The following MFSD12 variants were observed in gnomAD, a reference collection of about 807,000 sequenced individuals.
MFSD12 encodes the protein major facilitator superfamily domain containing 12.
A neutral mutation model predicts 51.2 loss-of-function variants in MFSD12; 67 were observed. The ratio of observed to expected loss-of-function variants is 1.31; its 90% CI spans 1.08 to 1.60. MFSD12 has a LOEUF of 1.60. Among genes scored for constraint, MFSD12 ranks in the 40% most tolerant of loss-of-function variants. MFSD12 has a pLI of 0.00. For missense variants in MFSD12, 921 were observed against 673.0 expected, an observed-to-expected ratio of 1.37 and a Z score of -4.08; for synonymous variants, 441 against 316.7, an observed-to-expected ratio of 1.39 and a Z score of -4.17.
intron 1 of MFSD12, among the ~76,000 whole-genome samples, chr19:3,555,239 G>A (rs1295534495): frequency 6.6e-6 from 1 of 152,186 alleles, no homozygotes. Flanking sequence ...CTCCCAAGTA[G>A]CTGGGATTAC....
chr19:3,548,311 TG>T (rs1368215963), intron 2 of MFSD12, 44 bp from the exon 3 acceptor site: 1 of 1,540,488 alleles, frequency 6.5e-7, no homozygotes, highest in African/African-American at 1.4e-5. Flanking sequence ...GCCAGGAACC[TG>T]GGTCACTTCC....
chr19:3,548,300 C>A lies in MFSD12; in HGVS notation c.510-33G>T, dbSNP rs368445778. 7.1e-6 allele frequency: 11 copies of A among 1,542,630 alleles called. No homozygotes were observed. In the Admixed American group the frequency reaches 2.2e-4, roughly 31 times the overall value. ...GCAGGCGGGCAGGGACTCAACAAGACGCCAGGAACCTGGGTCACTTCCTCC... is the reference window on the plus strand; with the variant it reads ...GCAGGCGGGCAGGGACTCAACAAGAAGCCAGGAACCTGGGTCACTTCCTCC... On this transcript the variant is annotated intron_variant, in intron 2 of 9. Transcript: ENST00000355415.
At chr19:3,553,873 G>C (rs955260589) in intron 1 of MFSD12, among the ~76,000 whole-genome samples, 7 of 151,694 alleles carry the variant, frequency 4.6e-5, no homozygotes, top group Non-Finnish European at 5.9e-5. Context: ...CCTGAGGTCA[G>C]GAGTTCGAGA....
downstream of MFSD12, chr19:3,543,027 G>C (rs1285602418): frequency 6.2e-7 from 1 of 1,606,338 alleles, no homozygotes; most frequent in Non-Finnish European, 8.5e-7. Context: ...GGTGCGATGT[G>C]TGGGGAGAGG....
downstream of MFSD12, among the ~76,000 whole-genome samples, chr19:3,540,501 C>T (rs1484551202): frequency 2.0e-5 from 3 of 151,540 alleles, no homozygotes; most frequent in Non-Finnish European, 4.4e-5. Flanking sequence ...CATGATCTGC[C>T]CTCCTTGGCC....
downstream of MFSD12, chr19:3,544,020 A>C (rs1211922379): frequency 6.6e-7 from 1 of 1,525,798 alleles, no homozygotes; most frequent in Non-Finnish European, 8.8e-7. Flanking sequence ...AAGGCATGCT[A>C]CCAGGATGCA....
rs1374997924 is a variant in MFSD12, at chr19:3,546,128, T to A, written c.1235A>T (p.Asp412Val). The change falls in exon 8 of 10, where the codon GAT (aspartate) becomes GTT (valine). Residue 412 changes from aspartate to valine, a missense_variant. Coordinates refer to ENST00000355415, the MANE Select transcript of MFSD12 (RefSeq NM_174983.5). ...GACTGCCAGCCCATTGGCCACCTTA[T>A]CCAAGAAGCTCATGGAGCCGTACAC... ...AFVYGSMSFL[D>V]KVANGLAVMA... 1.4e-5 allele frequency: 23 copies of A among 1,613,132 alleles called. No individual in the cohort carries two copies. Among genetic ancestry groups the A allele is most frequent in the Non-Finnish European group, 1.9e-5 (22 of 1,179,996 alleles).
rs929898455 is a variant in MFSD12 at position 3,551,997 on chromosome 19, C to T, written c.299-803G>A. On this transcript the variant is annotated intron_variant, in intron 1 of 9. Coordinates refer to ENST00000355415, the MANE Select transcript of MFSD12 (RefSeq NM_174983.5). The surrounding 1 kb of genome is among the most constrained non-coding windows in gnomAD (Gnocchi z 4.6). ...GGCTCCTTTTCACCTCTGGGCTCAA[C>T]GGGAATGTCACCTCCTCGAACACCT... Among the ~76,000 whole-genome samples, 1 of 152,092 alleles carries T rather than the reference C, an allele frequency of 6.6e-6. No individual in the cohort carries two copies. The highest frequency in any genetic ancestry group is 1.5e-5 in the Non-Finnish European group (1 of 68,026).
downstream of MFSD12, chr19:3,543,090 T>G (rs1449396131): frequency 6.4e-7 from 1 of 1,560,984 alleles, no homozygotes; most frequent in East Asian, 2.3e-5. Flanking sequence ...GGTACAGGGC[T>G]GAAGGACAGA....
At position 3,557,229 on chromosome 19, in the gene MFSD12, C is replaced by T. The variant is rs536952924; in HGVS notation, c.175G>A (p.Gly59Arg). 1.8e-5 allele frequency: 28 copies of T among 1,590,738 alleles called. No individual in the cohort carries two copies. Among genetic ancestry groups the T allele is most frequent in the Non-Finnish European group, 2.4e-5 (28 of 1,170,640 alleles). Residue 59 changes from glycine (G) to arginine (R), a missense_variant, in exon 1 of 10, where the codon GGG becomes AGG. Physicochemically the swap from Gly to Arg is moderately radical, Grantham distance 125 (BLOSUM62 -2). Coordinates refer to ENST00000355415, the MANE Select transcript of MFSD12 (RefSeq NM_174983.5). Reference protein sequence around the residue: ...SVRAYSSRGAGLLLLLGQVAD... With the variant: ...SVRAYSSRGARLLLLLGQVAD... ...ACCTGGCCCAGCAGCAGCAGCAGCC[C>T]CGCGCCGCGGGAGCTGTAGGCGCGC...
In MFSD12 at chr19:3,557,158, G is replaced by A. The variant is rs764002370; in HGVS notation, c.246C>T (p.Arg82=). 1.3e-6 allele frequency: 2 copies of A among 1,521,922 alleles called. No homozygotes were observed. The highest frequency in any genetic ancestry group is 1.2e-5 in the South Asian group (1 of 81,154). The allele number at this position is 1,521,922 out of a possible 1,614,324, so 94.3% of individuals were successfully genotyped here. ...CTPLVGYEAD[R]AASCCARYGP... The stretch of plus-strand genomic sequence containing the variant: ...CGTAGCGGGCGCAGCAGCTGGCGGC[G>A]CGGTCGGCCTCGTAGCCCACGAGCG... Residue 82 remains arginine, a synonymous_variant, in exon 1 of 10, where the codon CGC becomes CGT. Transcript: ENST00000355415.
At chr19:3,555,710 T>C (rs2031694273) in intron 1 of MFSD12, among the ~76,000 whole-genome samples, 1 of 152,090 alleles carries the variant, frequency 6.6e-6, no homozygotes, top group African/African-American at 2.4e-5. Context: ...TCCCAGTCAT[T>C]GTTCCCAAGG....
At chr19:3,543,313 G>A, downstream of MFSD12, 1 of 1,549,276 alleles carries the variant, frequency 6.5e-7, no homozygotes, top group Non-Finnish European at 8.7e-7. Flanking sequence ...ACACGCCCAT[G>A]GGACGGGACG....
At position 3,557,134 on chromosome 19, in the gene MFSD12, G is replaced by A. The variant is rs759056653; in HGVS notation, c.270C>T (p.Tyr90=). 1.3e-6 allele frequency: 2 copies of A among 1,506,912 alleles called. No individual in the cohort carries two copies. The highest frequency in any genetic ancestry group is 8.8e-7 in the Non-Finnish European group (1 of 1,130,272). 93.3% of individuals were successfully genotyped at this position (1,506,912 alleles called of 1,614,324 possible). ...CCAGGTGCCAGGCCTTGCGCGGGCCGTAGCGGGCGCAGCAGCTGGCGGCGC... is the reference window on the plus strand; with the variant it reads ...CCAGGTGCCAGGCCTTGCGCGGGCCATAGCGGGCGCAGCAGCTGGCGGCGC... The part of the protein sequence containing the change: ...ADRAASCCAR[Y]GPRKAWHLVG... The change falls in exon 1 of 10, where the codon TAC becomes TAT. Residue 90 remains tyrosine, a synonymous_variant. Coordinates refer to ENST00000355415, the MANE Select transcript of MFSD12 (RefSeq NM_174983.5).
At chr19:3,543,824 T>C (rs1415316373), downstream of MFSD12, 6 of 1,523,418 alleles carry the variant, frequency 3.9e-6, no homozygotes, top group Non-Finnish European at 5.3e-6. Context: ...GAGTCCCACC[T>C]ACAGTGCTCA....
chr19:3,538,731 G>A (rs2030101547), exon 5 of MFSD12: 1 of 479,770 alleles, frequency 2.1e-6, no homozygotes. Flanking sequence ...TCGTGCTGCT[G>A]TGAGCCACTG....
Position 3,552,085 on chromosome 19 carries a change from G to A in MFSD12, c.299-891C>T, listed in dbSNP as rs114327073. ...AGCACCCGGGAATTCTCTGTCTGCC[G>A]GCTTCCTGCCGGCTTTCCTCTGCAG... On this transcript the variant is annotated intron_variant, in intron 1 of 9. Coordinates refer to ENST00000355415, the MANE Select transcript of MFSD12 (RefSeq NM_174983.5). 2.8e-4 allele frequency among the ~76,000 whole-genome samples: 42 copies of A among 152,182 alleles called. 1 individual carries two copies. The highest frequency in any genetic ancestry group is 4.3e-4 in the African/African-American group (18 of 41,522).
intron 6 of MFSD12, 130 bp downstream of exon 6, chr19:3,547,142 T>C: frequency 1.2e-6 from 1 of 818,764 alleles, no homozygotes; most frequent in South Asian, 1.5e-5. Flanking sequence ...CCGGCCTAGA[T>C]CTGGGGCTTC....
At chr19:3,550,900 TG>T in intron 2 of MFSD12, 83 bp downstream of exon 2, 1 of 1,165,470 alleles carries the variant, frequency 8.6e-7, no homozygotes, top group Non-Finnish European at 1.2e-6. Context: ...GCCGAGTCTG[TG>T]GCCGCTCATT....
Sources: allele counts gnomAD v4.1 joint callset (sites outside exome capture counted in the v4.1 genomes callset), GRCh38; gene constraint gnomAD v4.1.1; non-coding constraint Gnocchi (gnomAD v3.1); transcripts MANE v1.5; gene names NCBI Gene and HGNC (gene_info 2026-07-23, HGNC 2026-07-21).